The following TFR2 variants were observed in gnomAD, a reference collection of about 807,000 sequenced individuals.
The protein encoded by TFR2 is transferrin receptor 2.
A neutral mutation model predicts 91.9 loss-of-function variants in TFR2; 64 were observed. That is an observed-to-expected ratio of 0.70 (90% CI 0.57 to 0.86). The LOEUF is 0.86. TFR2 is among the 40% of genes least tolerant of loss of function. The pLI is 0.00. For synonymous variants in TFR2, 454 were observed against 459.6 expected, an observed-to-expected ratio of 0.99 and a Z score of 0.15; for missense variants, 950 against 1,080.5, an observed-to-expected ratio of 0.88 and a Z score of 1.69.
chr7:100,633,618 G>A, intron 3 of TFR2, 62 bp from the exon 4 acceptor site: 1 of 1,542,448 alleles, frequency 6.5e-7, no homozygotes, highest in Admixed American at 1.8e-5. Flanking sequence ...AAGAGGGAAG[G>A]ATGCCAGAGA....
At position 100,620,992 on chromosome 7, in the gene TFR2, C is replaced by T. The variant is rs1387410683; in HGVS notation, c.2271G>A (p.Gly757=). The part of the protein sequence containing the change: ...HLRLLRSNSS[G]TPGATSSTGF... ...CAGTGGAGGAGGTGGCCCCGGGGGT[C>T]CCGGAGCTGTTGGAGCGCAGCAGCC... Residue 757 remains glycine, a synonymous_variant, in exon 18 of 18, where the codon GGG becomes GGA. Transcript: ENST00000223051. 1.9e-6 allele frequency: 3 copies of T among 1,610,200 alleles called. No homozygotes were observed. The highest frequency in any genetic ancestry group is 1.7e-5 in the Admixed American group (1 of 59,522).
At chr7:100,629,178 C>T in intron 10 of TFR2, 75 bp downstream of exon 10, 1 of 1,591,388 alleles carries the variant, frequency 6.3e-7, no homozygotes, top group South Asian at 1.1e-5. Flanking sequence ...CCCTCACTGC[C>T]TCTCTGCCCT....
Position 100,633,362 on chromosome 7 carries a change from C to T in TFR2, c.615-22G>A, listed in dbSNP as rs1298525583. Reference sequence around the variant, plus strand: ...AGCCCTGGGGAGCGGGGCTGGTGAGCGCCCCGAGCCGCGTCCCCCTCCCCG... The same window carrying T: ...AGCCCTGGGGAGCGGGGCTGGTGAGTGCCCCGAGCCGCGTCCCCCTCCCCG... On this transcript the variant is annotated intron_variant, in intron 4 of 17. Transcript: ENST00000223051. 4.4e-6 allele frequency: 7 copies of T among 1,607,756 alleles called. No homozygotes were observed. In the African/African-American group the frequency reaches 9.4e-5, roughly 22 times the overall value.
At chr7:100,624,257 G>A (rs535273109) in intron 17 of TFR2, among the ~76,000 whole-genome samples, 2 of 151,954 alleles carry the variant, frequency 1.3e-5, no homozygotes, top group African/African-American at 4.8e-5. Context: ...TGGGGCCCCT[G>A]TTCTGGCTCT....
chr7:100,636,205 T>G (rs151225746), intron 3 of TFR2, among the ~76,000 whole-genome samples: 5,223 of 141,052 alleles, frequency 0.037, 138 homozygotes, highest in Non-Finnish European at 0.058. Context: ...AGATGGAGTC[T>G]TGCTCTGTTT....
rs1191335628 is a variant in TFR2, at chr7:100,627,625, G to A, written c.1719C>T (p.Ser573=). Residue 573 remains serine, a synonymous_variant, in exon 15 of 18, where the codon TCC becomes TCT. Transcript: ENST00000223051. ...CAGGGACTCCCACAAAGGCCGTGAA[G>A]GAATAGGCACTGCTGTCCATGGGTA... The part of the protein sequence containing the change: ...RPLPMDSSAY[S]FTAFVGVPAV... The A allele has an allele frequency of 1.2e-6, 2 of 1,614,182 alleles. No homozygotes were observed. Among genetic ancestry groups the A allele is most frequent in the Admixed American group, 1.7e-5 (1 of 60,014 alleles).
intron 17 of TFR2, chr7:100,626,378 C>T (rs989646601): frequency 3.4e-6 from 3 of 883,612 alleles, no homozygotes; most frequent in Non-Finnish European, 4.1e-6. Context: ...TCTGCACTTC[C>T]CAGCCTGTAA....
At chr7:100,631,387 G>C (rs2131317704) in intron 8 of TFR2, 1 of 195,734 alleles carries the variant, frequency 5.1e-6, no homozygotes, top group African/African-American at 2.4e-5. Flanking sequence ...CCAGCATTTT[G>C]GGAGGCCGAG....
In TFR2 at chr7:100,627,383, C is replaced by A. The variant is rs1246737417; in HGVS notation, c.1876G>T (p.Ala626Ser). 1 of 1,557,618 alleles carries A rather than the reference C, an allele frequency of 6.4e-7. No homozygotes were observed. Residue 626 changes from alanine (A) to serine (S), a missense_variant, in exon 16 of 18, where the codon GCA (alanine) becomes TCA (serine). Ala to Ser is a moderately conservative substitution (Grantham distance 99). Coordinates refer to ENST00000223051, the MANE Select transcript of TFR2 (RefSeq NM_003227.4). ...PAVAQAVAQL[A>S]GQLLIRLSHD... ...CTGAGCCGGATGAGGAGCTGCCCTG[C>A]GAGCTGGGCCACGGCCTGGGCCACG...
At chr7:100,640,204 C>T in intron 3 of TFR2, 1 of 160,316 alleles carries the variant, frequency 6.2e-6, no homozygotes, top group Non-Finnish European at 1.4e-5. Context: ...GTCAAGCTCC[C>T]AAGTAACTGG....
In TFR2 at chr7:100,631,849, G is replaced by GGATGCTGGGAAGGCCTGAT. The variant is rs1179194718; in HGVS notation, c.1044_1062dup (p.Pro355IlefsTer94). ...ATGTCTGCACTGATGGGCTGGGCTG[G>GGATGCTGGGAAGGCCTGAT]GATGCTGGGAAGGCCTGATGATGCA... On this transcript the variant is annotated frameshift_variant, in exon 8 of 18. Transcript: ENST00000223051. LOFTEE classifies it high-confidence loss of function. 2 of 1,613,852 alleles carry GGATGCTGGGAAGGCCTGAT rather than the reference G, an allele frequency of 1.2e-6. No individual in the cohort carries two copies. Among genetic ancestry groups the GGATGCTGGGAAGGCCTGAT allele is most frequent in the Admixed American group, 3.3e-5 (2 of 59,970 alleles).
chr7:100,625,334 C>T (rs1803226365), intron 17 of TFR2, among the ~76,000 whole-genome samples: 1 of 152,154 alleles, frequency 6.6e-6, no homozygotes, highest in African/African-American at 2.4e-5. Flanking sequence ...GCTGAGATTA[C>T]AGGCGTAAGC....
chr7:100,623,192 T>G (rs4729596), intron 17 of TFR2, among the ~76,000 whole-genome samples: 133,183 of 152,148 alleles, frequency 0.88, 58,585 homozygotes, highest in African/African-American at 0.96. Context: ...AGAATAGCTT[T>G]AACCCGGGAG....
At chr7:100,636,500 C>G (rs903428699) in intron 3 of TFR2, among the ~76,000 whole-genome samples, 1 of 149,602 alleles carries the variant, frequency 6.7e-6, no homozygotes, top group East Asian at 2.0e-4. Flanking sequence ...TGTCATTACC[C>G]GCACTCCATC....
At chr7:100,640,635 C>A in intron 3 of TFR2, 51 bp downstream of exon 3, 1 of 1,592,042 alleles carries the variant, frequency 6.3e-7, no homozygotes, top group Non-Finnish European at 8.5e-7. Context: ...CCAGTCTGAG[C>A]GGATGAGGGG....
chr7:100,640,840 AC>A lies in TFR2; in HGVS notation c.318del (p.Ser107ProfsTer69), dbSNP rs2131327564. 6.2e-7 allele frequency: 1 copy of A among 1,613,992 alleles called. No individual in the cohort carries two copies. Among genetic ancestry groups the A allele is most frequent in the Non-Finnish European group, 8.5e-7 (1 of 1,179,996 alleles). On this transcript the variant is annotated frameshift_variant, in exon 3 of 18. Coordinates refer to ENST00000223051, the MANE Select transcript of TFR2 (RefSeq NM_003227.4). LOFTEE classifies it high-confidence loss of function. ...ACAGAGTCTCCGCACGCCTGGCAGG[AC>A]CCTCGGAAGGCGACGTAGCCCAGTA... ...AFLLGYVAFR[G>X]SCQACGDSVL... is the part of the protein sequence containing the mutation.
In TFR2 at chr7:100,621,171, G is replaced by A. The variant is rs1272424007; in HGVS notation, c.2137-45C>T. On this transcript the variant is annotated intron_variant, in intron 17 of 17. Transcript: ENST00000223051. ...AGGTCAGGGTTGGGGGCTCTGGCTC[G>A]GGAGCAAAGGCCCGAGTCACCCTTC... 15 of 1,446,416 alleles carry A rather than the reference G, an allele frequency of 1.0e-5. No individual in the cohort carries two copies. In the South Asian group the frequency reaches 1.2e-4, roughly 11 times the overall value. 89.6% of individuals were successfully genotyped at this position (1,446,416 alleles called of 1,614,324 possible).
intron 11 of TFR2, 25 bp downstream of exon 11, chr7:100,628,199 C>T (rs1450303250): frequency 6.3e-6 from 10 of 1,592,444 alleles, no homozygotes; most frequent in African/African-American, 2.7e-5. Context: ...CAATGCCTAA[C>T]GACCTGCCCG....
At position 100,641,038 on chromosome 7, in the gene TFR2, G is replaced by A. The variant is rs41302357; in HGVS notation, c.224C>T (p.Ala75Val). Residue 75 changes from alanine (A) to valine (V), a missense_variant, in exon 2 of 18, where the codon GCG (alanine) becomes GTG (valine). Ala to Val is a moderately conservative substitution (Grantham distance 64, BLOSUM62 0). Coordinates refer to ENST00000223051, the MANE Select transcript of TFR2 (RefSeq NM_003227.4). ...RPRQPNLIPW[A>V]AAGRRAAPYL... ...GGGGGCAGCCCTCCGTCCTGCTGCC[G>A]CCCAGGGAATGAGGTTTGGCTGCCT... The A allele has an allele frequency of 3.0e-4, 485 of 1,601,638 alleles. 1 individual carries two copies. The East Asian group carries it at 9.4e-3, about 31-fold the overall frequency.
Sources: gnomAD v4.1 joint callset for allele counts (sites outside exome capture counted in the v4.1 genomes callset) on GRCh38, gnomAD v4.1.1 for gene constraint, MANE v1.5 for transcripts, NCBI Gene and HGNC (gene_info 2026-07-23, HGNC 2026-07-21) for gene names.